CCDC141: variants seen among roughly 807,000 people sequenced by gnomAD.
The protein encoded by CCDC141 is coiled-coil domain containing 141.
A neutral mutation model predicts 181.0 loss-of-function variants in CCDC141; 168 were observed. The observed-to-expected ratio is 0.93, with a 90% CI of 0.82 to 1.05. CCDC141 has a LOEUF of 1.05. Among genes scored for constraint, CCDC141 ranks in the 50% least tolerant of loss-of-function variants. The pLI is 0.00. For missense variants in CCDC141, 1,902 were observed against 1,788.5 expected, an observed-to-expected ratio of 1.06 and a Z score of -1.14; for synonymous variants, 666 against 642.3, an observed-to-expected ratio of 1.04 and a Z score of -0.56.
At chr2:178,945,145 T>C (rs923599579) in intron 5 of CCDC141, among the ~76,000 whole-genome samples, 1 of 152,078 alleles carries the variant, frequency 6.6e-6, no homozygotes, top group Non-Finnish European at 1.5e-5. Context: ...AATAGAGAGG[T>C]TATTAACATT....
Position 178,888,501 on chromosome 2 carries a change from ATTTAAG to A in CCDC141, c.1407+20_1407+25del. 3 of 1,546,450 alleles carry A rather than the reference ATTTAAG, an allele frequency of 1.9e-6. No individual in the cohort carries two copies. Among genetic ancestry groups the A allele is most frequent in the Non-Finnish European group, 1.7e-6 (2 of 1,143,602 alleles). On this transcript the variant is annotated intron_variant, in intron 9 of 23. Coordinates refer to ENST00000443758, the MANE Select transcript of CCDC141 (RefSeq NM_173648.4). Reference sequence around the variant, plus strand: ...ATCATCTATTATCACCAACTTAGATATTTAAGTTTTAGTTTACGAAACTACCTTCCG... The same window carrying A: ...ATCATCTATTATCACCAACTTAGATATTTTAGTTTACGAAACTACCTTCCG...
At position 178,961,268 on chromosome 2, in the gene CCDC141, C is replaced by A; in HGVS notation, c.742G>T (p.Val248Phe). The A allele has an allele frequency of 6.4e-7, 1 of 1,550,462 alleles. No individual in the cohort carries two copies. Among genetic ancestry groups the A allele is most frequent in the Non-Finnish European group, 8.7e-7 (1 of 1,146,882 alleles). The change falls in exon 5 of 24, where the codon GTT becomes TTT. Residue 248 changes from valine to phenylalanine, a missense_variant. By Grantham distance (50) the Val-to-Phe change is conservative. Transcript: ENST00000443758. ...TGGTCCCACTGACATATCTGCAGAA[C>A]TTGACTCAATTCTTGCCACTGTTGC... ...LKQQWQELSQVLQICQWDQQE... is the reference protein window; with the variant it reads ...LKQQWQELSQFLQICQWDQQE...
chr2:179,004,479 T>C (rs2154383771), intron 2 of CCDC141, among the ~76,000 whole-genome samples: 1 of 152,346 alleles, frequency 6.6e-6, no homozygotes, highest in East Asian at 1.9e-4. Context: ...AAATTGTTCA[T>C]GGAACTGTTA....
chr2:178,886,378 C>T (rs1686885480), intron 10 of CCDC141, among the ~76,000 whole-genome samples: 1 of 152,176 alleles, frequency 6.6e-6, no homozygotes, highest in East Asian at 1.9e-4. Flanking sequence ...ACGCACGTTG[C>T]TTCTGGTCAT....
rs558270815 is a variant in CCDC141, at chr2:179,018,195, A to G, written c.225+29089T>C. 3.3e-5 allele frequency among the ~76,000 whole-genome samples: 5 copies of G among 152,176 alleles called. 1 individual carries two copies. The South Asian group carries it at 1.0e-3, about 32-fold the overall frequency. ...CACCTCAACTGCTATGCGGACCACA[A>G]AAAAGGATTATGGACTTTCTCTTCA... On this transcript the variant is annotated intron_variant, in intron 2 of 23. Coordinates refer to ENST00000443758, the MANE Select transcript of CCDC141 (RefSeq NM_173648.4).
Position 178,918,791 on chromosome 2 carries a change from T to C in CCDC141, c.1014A>G (p.Gln338=). 6.4e-7 allele frequency: 1 copy of C among 1,550,638 alleles called. No individual in the cohort carries two copies. The highest frequency in any genetic ancestry group is 8.7e-7 in the Non-Finnish European group (1 of 1,147,004). The change falls in exon 7 of 24, where the codon CAA becomes CAG. Residue 338 remains glutamine (Q), a synonymous_variant. Transcript: ENST00000443758. ...QLSHQKLSQL[Q]EEFGQLMVER... The stretch of plus-strand genomic sequence containing the variant: ...CCACCATGAGTTGACCAAATTCTTC[T>C]TGAAGCTGACTGAGTTTCTGGTGAG...
intron 7 of CCDC141, chr2:178,915,954 G>A (rs1688428655): frequency 6.6e-6 from 1 of 152,382 alleles, no homozygotes; most frequent in African/African-American, 2.4e-5. Flanking sequence ...TTGGGGCTGG[G>A]AGAATTGATG....
intron 2 of CCDC141, among the ~76,000 whole-genome samples, chr2:178,981,703 A>G (rs58982439): frequency 0.71 from 74,693 of 105,820 alleles, 24,351 homozygotes; most frequent in East Asian, 0.83. Flanking sequence ...GAGAGAGAGA[A>G]AAAAAAACCT....
intron 2 of CCDC141, among the ~76,000 whole-genome samples, chr2:179,015,393 TCATATATCTCATATATGTAC>T (rs1194139730): frequency 1.4e-3 from 197 of 137,236 alleles, no homozygotes; most frequent in South Asian, 6.8e-3. Flanking sequence ...CATATATGTA[TCATATATCTCATATATGTAC>T]CATATATCTC....
intron 6 of CCDC141, among the ~76,000 whole-genome samples, chr2:178,932,844 C>T (rs10930844): frequency 0.7 from 105,748 of 152,066 alleles, 37,180 homozygotes; most frequent in East Asian, 0.93. Flanking sequence ...CTACTGATGA[C>T]AATTATGCAT....
chr2:178,993,566 G>T (rs764872354), intron 2 of CCDC141, among the ~76,000 whole-genome samples: 7 of 152,110 alleles, frequency 4.6e-5, no homozygotes, highest in Non-Finnish European at 8.8e-5. Flanking sequence ...TTTGGGTGGG[G>T]ACACATCCAA....
At chr2:178,941,021 A>G (rs908539901) in intron 6 of CCDC141, among the ~76,000 whole-genome samples, 7 of 152,072 alleles carry the variant, frequency 4.6e-5, no homozygotes, top group Non-Finnish European at 7.4e-5. Flanking sequence ...GTGGAAGTCT[A>G]TTTTTCTGTC....
chr2:178,888,811 C>T (rs528280606), intron 8 of CCDC141, 143 bp from the exon 9 acceptor site: 6 of 832,400 alleles, frequency 7.2e-6, no homozygotes, highest in Non-Finnish European at 1.1e-5. Flanking sequence ...GCTATCATCT[C>T]GGCATAGCAG....
chr2:178,824,876 C>T (rs1561609373), downstream of CCDC141, among the ~76,000 whole-genome samples: 1 of 152,096 alleles, frequency 6.6e-6, no homozygotes, highest in Non-Finnish European at 1.5e-5. Flanking sequence ...CTTTACAGTG[C>T]TCTACTGTTT....
intron 17 of CCDC141, among the ~76,000 whole-genome samples, chr2:178,862,511 TAATATGGCAGAG>T (rs1172866329): frequency 6.6e-6 from 1 of 152,250 alleles, no homozygotes; most frequent in Non-Finnish European, 1.5e-5. Flanking sequence ...CTGTGTCATG[TAATATGGCAGAG>T]AATATGTCTA....
At chr2:178,858,890 T>C (rs929256368) in intron 17 of CCDC141, among the ~76,000 whole-genome samples, 1 of 152,184 alleles carries the variant, frequency 6.6e-6, no homozygotes, top group African/African-American at 2.4e-5. Context: ...TCAATGTCTA[T>C]TTGAAACCTA....
rs543091911 is a variant in CCDC141, at chr2:178,869,388, T to G, written c.2206-83A>C. On this transcript the variant is annotated intron_variant, in intron 14 of 23. Transcript: ENST00000443758. ...ACTGACAATATAAAGGTCTAAACAA[T>G]GAATCACTCTTTCATTTGTTAACAA... is the stretch of plus-strand genomic sequence containing the variant. 6.5e-6 allele frequency: 6 copies of G among 926,258 alleles called. No homozygotes were observed. The East Asian group carries it at 1.7e-4, about 26-fold the overall frequency. 57.4% of individuals were successfully genotyped at this position (926,258 alleles called of 1,614,324 possible).
chr2:179,028,326 A>C (rs889699885), intron 2 of CCDC141, among the ~76,000 whole-genome samples: 4 of 152,360 alleles, frequency 2.6e-5, no homozygotes, highest in East Asian at 1.9e-4. Flanking sequence ...TTATAAGTGC[A>C]GTCTGCTCAT....
intron 2 of CCDC141, among the ~76,000 whole-genome samples, chr2:179,034,621 C>T (rs2043088607): frequency 6.6e-6 from 1 of 152,162 alleles, no homozygotes; most frequent in African/African-American, 2.4e-5. Flanking sequence ...TCACAGAATG[C>T]ATGCATTTTA....
Sources: gnomAD v4.1 joint callset for allele counts (sites outside exome capture counted in the v4.1 genomes callset) on GRCh38, gnomAD v4.1.1 for gene constraint, MANE v1.5 for transcripts, NCBI Gene and HGNC (gene_info 2026-07-23, HGNC 2026-07-21) for gene names.